The following PARK7 variants were observed in gnomAD, a reference collection of about 807,000 sequenced individuals.
The protein encoded by PARK7 is Parkinson disease protein 7.
Under a neutral mutation model 20.5 loss-of-function variants are expected in PARK7, and 14 were observed. The observed-to-expected ratio is 0.68, with a 90% CI of 0.45 to 1.07. The LOEUF (loss-of-function observed/expected upper bound fraction) is 1.07, where lower values mean the gene tolerates loss of function less well. PARK7 is among the 50% of genes least tolerant of loss of function. PARK7 has a pLI of 0.00. For synonymous variants in PARK7, 98 were observed against 84.3 expected, an observed-to-expected ratio of 1.16 and a Z score of -0.89; for missense variants, 234 against 238.1, an observed-to-expected ratio of 0.98 and a Z score of 0.11.
At chr1:7,971,198 G>A in intron 5 of PARK7, 1 of 573,546 alleles carries the variant, frequency 1.7e-6, no homozygotes, top group Non-Finnish European at 3.1e-6. Context: ...TGTTTTCCGT[G>A]TTTGGTTGAC....
chr1:7,965,667 G>A (rs1406045545), intron 3 of PARK7, among the ~76,000 whole-genome samples: 1 of 152,192 alleles, frequency 6.6e-6, no homozygotes, highest in African/African-American at 2.4e-5. Flanking sequence ...GGTTGGATGT[G>A]TGGCCAGATG....
intron 4 of PARK7, among the ~76,000 whole-genome samples, chr1:7,970,346 G>T (rs563751603): frequency 1.3e-5 from 2 of 152,302 alleles, no homozygotes; most frequent in South Asian, 4.1e-4. Context: ...AGGGCAAATT[G>T]TCTACTCAAA....
At chr1:7,976,136 G>A (rs1050850600) in intron 5 of PARK7, among the ~76,000 whole-genome samples, 19 of 152,244 alleles carry the variant, frequency 1.2e-4, no homozygotes, top group African/African-American at 4.6e-4. Context: ...GAGTCTTGTT[G>A]AAAAATGAAA....
chr1:7,977,734 T>C lies in PARK7; in HGVS notation c.405T>C (p.Asn135=). The change falls in exon 6 of 7, where the codon AAT becomes AAC. Residue 135 remains asparagine (N), a synonymous_variant. Coordinates refer to ENST00000338639, the MANE Select transcript of PARK7 (RefSeq NM_007262.5). ...THPLAKDKMM[N]GGHYTYSENR... is the part of the protein sequence containing the mutation. ...CTCTTGCTAAAGACAAAATGATGAATGGAGGTAAGTATATGCTTGTTTTTG... is the reference window on the plus strand; with the variant it reads ...CTCTTGCTAAAGACAAAATGATGAACGGAGGTAAGTATATGCTTGTTTTTG... 6.2e-7 allele frequency: 1 copy of C among 1,613,396 alleles called. No homozygotes were observed. Among genetic ancestry groups the C allele is most frequent in the Non-Finnish European group, 8.5e-7 (1 of 1,179,328 alleles).
chr1:7,980,337 C>T (rs1026785303), intron 6 of PARK7, among the ~76,000 whole-genome samples: 3 of 152,078 alleles, frequency 2.0e-5, no homozygotes, highest in Non-Finnish European at 2.9e-5. Flanking sequence ...AAGCGGAGCG[C>T]GCTCCTGCAC....
intron 6 of PARK7, among the ~76,000 whole-genome samples, chr1:7,983,731 C>A (rs1578106426): frequency 6.6e-6 from 1 of 152,304 alleles, no homozygotes; most frequent in East Asian, 1.9e-4. Flanking sequence ...AAGGGGCGCA[C>A]AGCCGGAAGG....
chr1:7,968,509 T>A (rs184179940), intron 3 of PARK7, among the ~76,000 whole-genome samples: 1 of 152,102 alleles, frequency 6.6e-6, no homozygotes, highest in East Asian at 1.9e-4. Context: ...AAAATTTGTT[T>A]CTCTATTAAT....
rs1247179081 is a variant in PARK7, at chr1:7,985,093, T to G, written c.*39T>G. On this transcript the variant is annotated 3_prime_UTR_variant, in exon 7 of 7. Coordinates refer to ENST00000338639, the MANE Select transcript of PARK7 (RefSeq NM_007262.5). The stretch of plus-strand genomic sequence containing the variant: ...GACGATCACTTAGAGAAACAGGCCG[T>G]TAGGAATCCATTCTCACTGTGTTCG... The G allele has an allele frequency of 6.2e-7, 1 of 1,604,252 alleles. No individual in the cohort carries two copies. The highest frequency in any genetic ancestry group is 1.1e-5 in the South Asian group (1 of 90,092).
At chr1:7,982,067 C>T (rs1640723623) in intron 6 of PARK7, among the ~76,000 whole-genome samples, 1 of 150,242 alleles carries the variant, frequency 6.7e-6, no homozygotes, top group East Asian at 2.0e-4. Flanking sequence ...CTCCGCCTCC[C>T]GGGTTCAAGT....
rs763890421 is a variant in PARK7, at chr1:7,978,394, T to A, written c.409+656T>A. Among the ~76,000 whole-genome samples, 7 of 9,234 alleles carry A rather than the reference T, an allele frequency of 7.6e-4. No individual in the cohort carries two copies. In the African/African-American group the frequency reaches 0.02, roughly 26 times the overall value. The allele number at this position is 9,234 out of a possible 152,430, so 6.1% of individuals were successfully genotyped here. The stretch of plus-strand genomic sequence containing the variant: ...CCTGGCCCATATGCCTGTGTGTGGT[T>A]TTTTTTTTTTTTTTGAGATGGAGTC... On this transcript the variant is annotated intron_variant, in intron 6 of 6. Transcript: ENST00000338639.
rs1209001924 is a variant in PARK7 at position 7,985,080 on chromosome 1, G to C, written c.*26G>C. On this transcript the variant is annotated 3_prime_UTR_variant, in exon 7 of 7. Coordinates refer to ENST00000338639, the MANE Select transcript of PARK7 (RefSeq NM_007262.5). ...AGCAGCGAACTGCGACGATCACTTA[G>C]AGAAACAGGCCGTTAGGAATCCATT... The C allele has an allele frequency of 1.9e-6, 3 of 1,610,822 alleles. No homozygotes were observed. Among genetic ancestry groups the C allele is most frequent in the Non-Finnish European group, 1.7e-6 (2 of 1,178,746 alleles).
rs1002014125 is a variant in PARK7 at position 7,984,433 on chromosome 1, A to G, written c.410-461A>G. Among the ~76,000 whole-genome samples the G allele has an allele frequency of 6.6e-6, 1 of 152,236 alleles. No individual in the cohort carries two copies. Among genetic ancestry groups the G allele is most frequent in the East Asian group, 1.9e-4 (1 of 5,196 alleles). ...TACCTGCACACGCACACTCACATGCATACCCGCCTCCATTACGTTGTGCTG... is the reference window on the plus strand; with the variant it reads ...TACCTGCACACGCACACTCACATGCGTACCCGCCTCCATTACGTTGTGCTG... On this transcript the variant is annotated intron_variant, in intron 6 of 6. Transcript: ENST00000338639. This position sits in a 1 kb window ranked among gnomAD's most constrained non-coding sequence, Gnocchi z 4.3.
chr1:7,965,847 T>A (rs780008322), intron 3 of PARK7, among the ~76,000 whole-genome samples: 1 of 152,166 alleles, frequency 6.6e-6, no homozygotes, highest in Non-Finnish European at 1.5e-5. Flanking sequence ...TCCCACTCTC[T>A]CCCCTAGGCT....
In PARK7 at chr1:7,962,861, A is replaced by G. The variant is rs1417802320; in HGVS notation, c.76A>G (p.Met26Val). ...EMETVIPVDV[M>V]RRAGIKVTVA... ...GGAGACGGTCATCCCTGTAGATGTC[A>G]TGAGGCGAGCTGGGGTAAGTCCCAC... Residue 26 changes from methionine (M) to valine (V), a missense_variant, in exon 2 of 7, where the codon ATG (methionine) becomes GTG (valine). By Grantham distance (21) the Met-to-Val change is conservative (BLOSUM62 1). Coordinates refer to ENST00000338639, the MANE Select transcript of PARK7 (RefSeq NM_007262.5). The G allele has an allele frequency of 1.2e-6, 2 of 1,613,248 alleles. No individual in the cohort carries two copies. Among genetic ancestry groups the G allele is most frequent in the African/African-American group, 1.3e-5 (1 of 74,690 alleles).
chr1:7,973,281 C>A (rs1203224264), intron 5 of PARK7, among the ~76,000 whole-genome samples: 1 of 152,204 alleles, frequency 6.6e-6, no homozygotes, highest in Non-Finnish European at 1.5e-5. Flanking sequence ...GCACTGCAGT[C>A]ACTGCAGCCC....
chr1:7,980,160 CAAA>C (rs34615529), intron 6 of PARK7, among the ~76,000 whole-genome samples: 1 of 125,132 alleles, frequency 8.0e-6, no homozygotes, highest in African/African-American at 3.1e-5. Flanking sequence ...GACTCCATCT[CAAA>C]AAAAAAAAAA....
At chr1:7,977,250 G>A (rs889298362) in intron 5 of PARK7, among the ~76,000 whole-genome samples, 10 of 152,176 alleles carry the variant, frequency 6.6e-5, no homozygotes, top group African/African-American at 2.4e-4. Flanking sequence ...TTGTTTATCT[G>A]TGTATGCTCT....
chr1:7,969,455 A>AAG, intron 4 of PARK7, 51 bp downstream of exon 4: 1 of 1,239,986 alleles, frequency 8.1e-7, no homozygotes. Context: ...GGGGGGAAAA[A>AAG]CTAAAGAATT....
chr1:7,970,675 G>A (rs1406945060), intron 4 of PARK7, among the ~76,000 whole-genome samples: 2 of 152,230 alleles, frequency 1.3e-5, no homozygotes, highest in African/African-American at 2.4e-5. Context: ...AAATGTGGAA[G>A]AGTGCGTTTC....
Sources: gnomAD v4.1 joint callset for allele counts (sites outside exome capture counted in the v4.1 genomes callset) on GRCh38, gnomAD v4.1.1 for gene constraint, Gnocchi (gnomAD v3.1) non-coding constraint, MANE v1.5 for transcripts, NCBI Gene and HGNC (gene_info 2026-07-23, HGNC 2026-07-21) for gene names.